Variants in ZNF407 observed in about 807,000 individuals in gnomAD.
ZNF407 encodes zinc finger protein 407.
In ZNF407, 17 loss-of-function variants were observed where a neutral mutation model predicts 131.2. The ratio of observed to expected loss-of-function variants is 0.13; its 90% CI spans 0.09 to 0.19. The LOEUF is 0.19. Ranked by LOEUF, ZNF407 falls within the 10% of genes least tolerant of loss-of-function variation. ZNF407 has a pLI of 1.00. For synonymous variants in ZNF407, 1,156 were observed against 1,062.0 expected (o/e 1.09, Z -1.72); for missense variants, 2,681 against 2,830.6 (o/e 0.95, Z 1.20).
intron 1 of ZNF407, among the ~76,000 whole-genome samples, chr18:74,613,380 C>T (rs539728907): frequency 6.6e-6 from 1 of 152,130 alleles, no homozygotes; most frequent in Non-Finnish European, 1.5e-5. Context: ...ATAGGAAAAA[C>T]AAAAAGATGA....
intron 8 of ZNF407, 53 bp downstream of exon 8, chr18:74,920,745 C>A (rs1466599116): frequency 6.5e-7 from 1 of 1,541,432 alleles, no homozygotes; most frequent in Admixed American, 1.8e-5. Flanking sequence ...CATGTGATCA[C>A]AGCAGTTATA....
intron 7 of ZNF407, among the ~76,000 whole-genome samples, chr18:74,904,687 A>G (rs1971572564): frequency 6.6e-6 from 1 of 152,112 alleles, no homozygotes; most frequent in Admixed American, 6.6e-5. Flanking sequence ...GCCGCTTCTT[A>G]TTGGTTGTAG....
intron 3 of ZNF407, among the ~76,000 whole-genome samples, chr18:74,691,307 GA>G (rs1265549152): frequency 1.3e-5 from 2 of 151,310 alleles, no homozygotes; most frequent in African/African-American, 2.4e-5. Flanking sequence ...AAATAATAAA[GA>G]AAAAAATTAT....
chr18:74,640,567 C>T (rs1442002795), intron 2 of ZNF407, among the ~76,000 whole-genome samples: 1 of 152,022 alleles, frequency 6.6e-6, no homozygotes, highest in Non-Finnish European at 1.5e-5. Context: ...TATGAGGAAA[C>T]AAGGAGGTGG....
intron 3 of ZNF407, among the ~76,000 whole-genome samples, chr18:74,672,890 C>G (rs1986208743): frequency 2.0e-5 from 3 of 152,160 alleles, no homozygotes; most frequent in Admixed American, 6.5e-5. Context: ...GTTCTTCGAT[C>G]AAGCCTCTGT....
intron 6 of ZNF407, among the ~76,000 whole-genome samples, chr18:74,887,812 G>T (rs1481147934): frequency 6.6e-6 from 1 of 152,106 alleles, no homozygotes; most frequent in Non-Finnish European, 1.5e-5. Context: ...TGTTCAAAGG[G>T]TCTAACAGGT....
intron 7 of ZNF407, among the ~76,000 whole-genome samples, chr18:74,894,116 TATTA>T (rs1181448673): frequency 1.3e-5 from 2 of 152,122 alleles, no homozygotes; most frequent in African/African-American, 4.8e-5. Flanking sequence ...AAGTTTGCAT[TATTA>T]ATTTAGGCAA....
intron 7 of ZNF407, among the ~76,000 whole-genome samples, chr18:74,909,380 A>G (rs1971638784): frequency 6.6e-6 from 1 of 152,130 alleles, no homozygotes; most frequent in Admixed American, 6.5e-5. Context: ...ACTTAATGTT[A>G]TTTACCTTAA....
intron 1 of ZNF407, among the ~76,000 whole-genome samples, chr18:74,610,834 A>G (rs1337410320): frequency 6.6e-6 from 1 of 152,160 alleles, no homozygotes; most frequent in East Asian, 1.9e-4. Flanking sequence ...TATTACAGGC[A>G]TGAGCCACCA....
intron 6 of ZNF407, 39 bp downstream of exon 6, chr18:74,881,158 A>T: frequency 6.6e-7 from 1 of 1,517,488 alleles, no homozygotes; most frequent in Non-Finnish European, 8.9e-7. Context: ...CTCTGCAGAG[A>T]GGACGGCAAG....
intron 4 of ZNF407, among the ~76,000 whole-genome samples, chr18:74,802,952 C>T (rs1419683088): frequency 6.6e-6 from 1 of 151,692 alleles, no homozygotes; most frequent in Non-Finnish European, 1.5e-5. Context: ...TTAACTTTGC[C>T]AGTGTGTAGG....
rs143549735 is a variant in ZNF407 at position 74,895,715 on chromosome 18, TG to T, written c.5249+5678del. ...GTTTTCTTGTATAAACACTTTATGT[TG>T]ATAATGCATAGCTAAGTAATAAGGC... On this transcript the variant is annotated intron_variant, in intron 7 of 8. Coordinates refer to ENST00000299687, the MANE Select transcript of ZNF407 (RefSeq NM_017757.3). 5.0e-3 allele frequency among the ~76,000 whole-genome samples: 760 copies of T among 152,328 alleles called. 5 individuals are homozygous for T. Among genetic ancestry groups the T allele is most frequent in the African/African-American group, 0.017 (726 of 41,556 alleles).
In ZNF407 at chr18:74,664,640, T is replaced by G. The variant is rs141946260; in HGVS notation, c.4802+23518T>G. The stretch of plus-strand genomic sequence containing the variant: ...TGCTTAATAAGTTGAAGAAATAGCC[T>G]TAAAAATCCTGGTATTGGTGATTGC... On this transcript the variant is annotated intron_variant, in intron 3 of 8. Coordinates refer to ENST00000299687, the MANE Select transcript of ZNF407 (RefSeq NM_017757.3). 8.1e-4 allele frequency among the ~76,000 whole-genome samples: 123 copies of G among 152,354 alleles called. No homozygotes were observed. In the East Asian group the frequency reaches 9.2e-3, roughly 11 times the overall value.
chr18:74,954,377 A>G (rs1392685388), intron 8 of ZNF407, among the ~76,000 whole-genome samples: 1 of 152,190 alleles, frequency 6.6e-6, no homozygotes, highest in African/African-American at 2.4e-5. Context: ...CTATGATTAA[A>G]TAGCTATATG....
At chr18:74,951,224 C>T (rs558016325) in intron 8 of ZNF407, among the ~76,000 whole-genome samples, 16 of 152,234 alleles carry the variant, frequency 1.1e-4, no homozygotes, top group Admixed American at 3.9e-4. Flanking sequence ...TAGACGTAAG[C>T]AGAACATGTT....
chr18:74,731,942 C>G (rs1448597967), intron 3 of ZNF407, among the ~76,000 whole-genome samples: 1 of 151,984 alleles, frequency 6.6e-6, no homozygotes, highest in African/African-American at 2.4e-5. Flanking sequence ...GCGCTAGGTC[C>G]TAGAACAGAA....
intron 3 of ZNF407, among the ~76,000 whole-genome samples, chr18:74,705,225 T>A (rs1300286020): frequency 6.6e-6 from 1 of 151,994 alleles, no homozygotes; most frequent in Non-Finnish European, 1.5e-5. Context: ...GGTAGGTAGA[T>A]TTCACTTTTT....
intron 8 of ZNF407, among the ~76,000 whole-genome samples, chr18:75,021,165 A>C (rs74697477): frequency 0.011 from 1,704 of 152,260 alleles, 28 homozygotes; most frequent in African/African-American, 0.038. Context: ...ACAAAAAAGC[A>C]ACACATCACA....
At chr18:74,958,550 T>C (rs115395399) in intron 8 of ZNF407, among the ~76,000 whole-genome samples, 9,440 of 151,788 alleles carry the variant, frequency 0.062, 957 homozygotes, top group African/African-American at 0.21. Context: ...GACGAGGAGC[T>C]GGTCATATAC....
Sources: allele counts gnomAD v4.1 joint callset (sites outside exome capture counted in the v4.1 genomes callset), GRCh38; gene constraint gnomAD v4.1.1; transcripts MANE v1.5; gene names NCBI Gene and HGNC (gene_info 2026-07-23, HGNC 2026-07-21).